The following ANKRD44 variants were observed in gnomAD, a reference collection of about 807,000 sequenced individuals.
The protein encoded by ANKRD44 is ankyrin repeat domain 44.
Under a neutral mutation model 116.0 loss-of-function variants are expected in ANKRD44, and 35 were observed. The observed-to-expected ratio is 0.30, with a 90% CI of 0.23 to 0.40. The LOEUF (loss-of-function observed/expected upper bound fraction) is 0.40. Ranked by LOEUF, ANKRD44 falls within the 10% of genes least tolerant of loss-of-function variation. The probability of loss-of-function intolerance (pLI) is 1.00; values close to 1 mark genes in which losing one functional copy is unlikely to be tolerated. For synonymous variants in ANKRD44, 435 were observed against 461.8 expected (o/e 0.94, Z 0.74); for missense variants, 1,014 against 1,242.6 (o/e 0.82, Z 2.77).
At chr2:197,076,767 G>T (rs1263469240) in intron 16 of ANKRD44, among the ~76,000 whole-genome samples, 2 of 151,344 alleles carry the variant, frequency 1.3e-5, no homozygotes, top group African/African-American at 2.4e-5. Flanking sequence ...TTGGTTTCTT[G>T]CTCCTGTGTT....
intron 2 of ANKRD44, among the ~76,000 whole-genome samples, chr2:197,148,225 G>T (rs894596009): frequency 6.6e-6 from 1 of 152,158 alleles, no homozygotes; most frequent in Non-Finnish European, 1.5e-5. Context: ...AGAGTTGTGT[G>T]ATATCTTTCC....
intron 1 of ANKRD44, among the ~76,000 whole-genome samples, chr2:197,288,954 C>T (rs971130609): frequency 1.3e-5 from 2 of 152,120 alleles, no homozygotes; most frequent in Non-Finnish European, 2.9e-5. Context: ...TACTAACATA[C>T]AGTTTAGGTA....
rs1363196778 is a variant in ANKRD44, at chr2:197,290,797, GTTTGTTT to G, written c.27+19774_27+19780del. Among the ~76,000 whole-genome samples, 4 of 148,926 alleles carry G rather than the reference GTTTGTTT, an allele frequency of 2.7e-5. No individual in the cohort carries two copies. The South Asian group carries it at 6.2e-4, about 23-fold the overall frequency. On this transcript the variant is annotated intron_variant, in intron 1 of 27. Coordinates refer to ENST00000282272, the MANE Select transcript of ANKRD44 (RefSeq NM_001195144.2). ...TGTAAGATAATCAGTTTTTTTGTTT[GTTTGTTT>G]TTTGTTTTTTGTTTTTGTTTTTGTT...
intron 1 of ANKRD44, among the ~76,000 whole-genome samples, chr2:197,193,525 C>T (rs914685024): frequency 8.5e-5 from 13 of 152,098 alleles, no homozygotes; most frequent in Non-Finnish European, 1.2e-4. Flanking sequence ...AATCCATTTC[C>T]GTTTCAGTTT....
intron 9 of ANKRD44, among the ~76,000 whole-genome samples, chr2:197,103,882 GAA>G (rs2078363625): frequency 6.6e-6 from 1 of 152,254 alleles, no homozygotes; most frequent in South Asian, 2.1e-4. Context: ...TCCCGGTGTA[GAA>G]AAAGTTTTTT....
chr2:197,126,527 GTT>G (rs560007727), intron 4 of ANKRD44, among the ~76,000 whole-genome samples: 13 of 152,326 alleles, frequency 8.5e-5, no homozygotes, highest in African/African-American at 2.9e-4. Flanking sequence ...GCTATGAGTT[GTT>G]TCCATCTTTT....
chr2:197,060,306 CATA>C (rs953025047), intron 16 of ANKRD44, among the ~76,000 whole-genome samples: 38 of 152,110 alleles, frequency 2.5e-4, no homozygotes, highest in African/African-American at 8.7e-4. Flanking sequence ...TAAATGAATA[CATA>C]ATAACAGTTG....
At chr2:197,153,544 G>A (rs998996036) in intron 2 of ANKRD44, among the ~76,000 whole-genome samples, 2 of 152,118 alleles carry the variant, frequency 1.3e-5, no homozygotes, top group South Asian at 2.1e-4. Context: ...TTAAGGTGGG[G>A]AATTAAAAGA....
chr2:197,099,541 T>C, intron 10 of ANKRD44: 3 of 1,148,242 alleles, frequency 2.6e-6, no homozygotes, highest in South Asian at 5.1e-5. Flanking sequence ...GACAGAAGAA[T>C]ATTAGAAAGA....
chr2:197,288,033 A>AAAG (rs1553550570), intron 1 of ANKRD44, among the ~76,000 whole-genome samples: 1 of 151,110 alleles, frequency 6.6e-6, no homozygotes, highest in Non-Finnish European at 1.5e-5. Flanking sequence ...AAAAAAAAAA[A>AAAG]AAAGAAAAAG....
chr2:197,078,329 A>G (rs1049973131), intron 16 of ANKRD44: 4 of 310,320 alleles, frequency 1.3e-5, no homozygotes, highest in African/African-American at 8.7e-5. Context: ...ACACACACGC[A>G]TACACATTTT....
At position 197,246,375 on chromosome 2, in the gene ANKRD44, T is replaced by TTTTTTTG. The variant is rs1559181807; in HGVS notation, c.28-59270_28-59269insCAAAAAA. Among the ~76,000 whole-genome samples the TTTTTTTG allele has an allele frequency of 1.6e-4, 23 of 141,080 alleles. 1 individual carries two copies. Among genetic ancestry groups the TTTTTTTG allele is most frequent in the Non-Finnish European group, 2.3e-4 (15 of 64,548 alleles). The allele number at this position is 141,080 out of a possible 152,430, so 92.6% of individuals were successfully genotyped here. A position where few individuals can be genotyped will look rare whatever the true frequency, so the allele number is the denominator to read the frequency against. Reference sequence around the variant, plus strand: ...CTTTTTTTTTTTTTTTTTTTTTTTTTAGAGATGGGGTATCGCTGTGTTGCC... The same window carrying TTTTTTTG: ...CTTTTTTTTTTTTTTTTTTTTTTTTTTTTTTTGAGAGATGGGGTATCGCTGTGTTGCC... On this transcript the variant is annotated intron_variant, in intron 1 of 27. Coordinates refer to ENST00000282272, the MANE Select transcript of ANKRD44 (RefSeq NM_001195144.2).
rs1256338867 is a variant in ANKRD44, at chr2:197,212,016, A to G, written c.28-24910T>C. On this transcript the variant is annotated intron_variant, in intron 1 of 27. Coordinates refer to ENST00000282272, the MANE Select transcript of ANKRD44 (RefSeq NM_001195144.2). This position sits in a 1 kb window ranked among gnomAD's most constrained non-coding sequence, Gnocchi z 4.8. The stretch of plus-strand genomic sequence containing the variant: ...AAGCTCATGCACGGGAATTCCCTTC[A>G]CTGAGCCTCTCTCTCTCTCTCAGTC... 8.6e-5 allele frequency among the ~76,000 whole-genome samples: 13 copies of G among 150,824 alleles called. No individual in the cohort carries two copies. The highest frequency in any genetic ancestry group is 8.6e-4 in the Admixed American group (13 of 15,156).
At chr2:197,290,785 GT>G (rs959935525) in intron 1 of ANKRD44, among the ~76,000 whole-genome samples, 2 of 151,790 alleles carry the variant, frequency 1.3e-5, no homozygotes, top group Non-Finnish European at 2.9e-5. Flanking sequence ...AAGATAATCA[GT>G]TTTTTTGTTT....
intron 21 of ANKRD44, among the ~76,000 whole-genome samples, chr2:197,002,209 A>T (rs1208260226): frequency 6.6e-6 from 1 of 152,210 alleles, no homozygotes; most frequent in African/African-American, 2.4e-5. Flanking sequence ...CACCCATACA[A>T]ATACTTCCAC....
At chr2:196,994,925 G>T (rs1574235614) in intron 26 of ANKRD44, 1 of 152,662 alleles carries the variant, frequency 6.6e-6, no homozygotes, top group Non-Finnish European at 1.5e-5. Flanking sequence ...CACACCAAGG[G>T]TTACACTGAA....
At chr2:197,307,551 G>GAAA (rs3060107) in intron 1 of ANKRD44, among the ~76,000 whole-genome samples, 3,947 of 133,800 alleles carry the variant, frequency 0.029, 92 homozygotes, top group African/African-American at 0.04. Context: ...TTTTTACAGT[G>GAAA]AAAAAAAAAA....
chr2:197,078,308 C>G, intron 16 of ANKRD44: 1 of 208,366 alleles, frequency 4.8e-6, no homozygotes, highest in East Asian at 1.2e-4. Context: ...CACACACACA[C>G]ACACACACAC....
intron 6 of ANKRD44, among the ~76,000 whole-genome samples, chr2:197,125,038 C>T (rs532903768): frequency 1.3e-5 from 2 of 152,246 alleles, no homozygotes; most frequent in South Asian, 2.1e-4. Flanking sequence ...CCTTGCTTTC[C>T]GAGCCAGTGC....
Sources: gnomAD v4.1 joint callset for allele counts (sites outside exome capture counted in the v4.1 genomes callset) on GRCh38, gnomAD v4.1.1 for gene constraint, Gnocchi (gnomAD v3.1) non-coding constraint, MANE v1.5 for transcripts, NCBI Gene and HGNC (gene_info 2026-07-23, HGNC 2026-07-21) for gene names.